TENM3: variants seen among roughly 807,000 people sequenced by gnomAD.
TENM3 encodes teneurin-3.
A neutral mutation model predicts 255.1 loss-of-function variants in TENM3; 63 were observed. That is an observed-to-expected ratio of 0.25 (90% confidence interval 0.20 to 0.30). The LOEUF (loss-of-function observed/expected upper bound fraction) is 0.30. Among genes scored for constraint, TENM3 ranks in the 10% least tolerant of loss-of-function variants. The pLI, the probability that TENM3 is intolerant of heterozygous loss-of-function variation, is 1.00. For synonymous variants in TENM3, 1,306 were observed against 1,322.3 expected, an observed-to-expected ratio of 0.99 and a Z score of 0.27; for missense variants, 2,929 against 3,461.1, an observed-to-expected ratio of 0.85 and a Z score of 3.86.
At chr4:182,548,439 C>A (rs1224474113) in intron 3 of TENM3, among the ~76,000 whole-genome samples, 1 of 152,092 alleles carries the variant, frequency 6.6e-6, no homozygotes, top group Non-Finnish European at 1.5e-5. Flanking sequence ...CAACACAGAT[C>A]ACTAAAGCTT....
At chr4:182,066,845 A>G in the TENM3 span, among the ~76,000 whole-genome samples, 1 of 152,068 alleles carries the variant, frequency 6.6e-6, no homozygotes, top group African/African-American at 2.4e-5. Flanking sequence ...CGGGAGGCGG[A>G]GCTTGCAGTG....
chr4:181,811,792 C>T, the TENM3 span, among the ~76,000 whole-genome samples: 2 of 152,192 alleles, frequency 1.3e-5, no homozygotes, highest in African/African-American at 4.8e-5. Flanking sequence ...TGGCCCTGTC[C>T]TTGACACTTG....
intron 1 of TENM3, among the ~76,000 whole-genome samples, chr4:182,292,317 C>G (rs936531887): frequency 9.2e-5 from 14 of 152,178 alleles, no homozygotes; most frequent in African/African-American, 3.4e-4. Context: ...CCCTTACACA[C>G]ATTTGGGAAT....
intron 3 of TENM3, among the ~76,000 whole-genome samples, chr4:182,374,187 C>G (rs899391950): frequency 6.6e-6 from 1 of 152,124 alleles, no homozygotes; most frequent in African/African-American, 2.4e-5. Context: ...ATATCCCTTT[C>G]TTCATCTAAA....
At chr4:182,785,680 C>T (rs1043699363) in intron 24 of TENM3, among the ~76,000 whole-genome samples, 5 of 141,992 alleles carry the variant, frequency 3.5e-5, no homozygotes, top group Admixed American at 2.9e-4. Flanking sequence ...TGCTCTCCAG[C>T]CTAGGTGTCC....
chr4:182,758,601 T>G (rs748844452), intron 22 of TENM3, among the ~76,000 whole-genome samples: 230 of 152,298 alleles, frequency 1.5e-3, no homozygotes, highest in Middle Eastern at 6.8e-3. Flanking sequence ...TAGTTATTGG[T>G]GAACTGGCCG....
At chr4:181,649,256 C>T in the TENM3 span, among the ~76,000 whole-genome samples, 2 of 152,158 alleles carry the variant, frequency 1.3e-5, no homozygotes, top group Non-Finnish European at 1.5e-5. Context: ...GCCTCTTTTC[C>T]GTCAGTGATT....
chr4:182,063,399 T>C, the TENM3 span, among the ~76,000 whole-genome samples: 19 of 152,222 alleles, frequency 1.2e-4, no homozygotes, highest in Non-Finnish European at 2.4e-4. Flanking sequence ...TTCTTTTCCC[T>C]TTAGTCTCAA....
At chr4:182,669,079 T>G (rs1754971584) in intron 6 of TENM3, among the ~76,000 whole-genome samples, 1 of 152,014 alleles carries the variant, frequency 6.6e-6, no homozygotes, top group Non-Finnish European at 1.5e-5. Context: ...GATGAATGAG[T>G]CTACATATAA....
chr4:182,721,539 T>C (rs1051947679), intron 13 of TENM3, among the ~76,000 whole-genome samples: 6 of 152,164 alleles, frequency 3.9e-5, no homozygotes, highest in African/African-American at 1.4e-4. Context: ...CGAATCTGTG[T>C]GTGTGTGTGT....
At chr4:182,355,770 C>A (rs1040227597) in intron 3 of TENM3, among the ~76,000 whole-genome samples, 1 of 152,016 alleles carries the variant, frequency 6.6e-6, no homozygotes, top group African/African-American at 2.4e-5. Context: ...ATGAGAGACT[C>A]AGTGAGTGAT....
At chr4:181,968,049 C>T in the TENM3 span, among the ~76,000 whole-genome samples, 1 of 152,162 alleles carries the variant, frequency 6.6e-6, no homozygotes, top group Non-Finnish European at 1.5e-5. Context: ...TTGAGTCTTG[C>T]TGAACGCTGA....
intron 3 of TENM3, among the ~76,000 whole-genome samples, chr4:182,388,939 AC>A (rs541822055): frequency 4.8e-4 from 73 of 152,258 alleles, no homozygotes; most frequent in African/African-American, 1.5e-3. Flanking sequence ...TGGCTTCTAG[AC>A]CTTCCTTTGC....
intron 6 of TENM3, among the ~76,000 whole-genome samples, chr4:182,668,914 T>A (rs2152544367): frequency 6.6e-6 from 1 of 152,314 alleles, no homozygotes; most frequent in East Asian, 1.9e-4. Flanking sequence ...GTTTACCAGT[T>A]CTCAAAGCAC....
At chr4:181,633,620 G>A in the TENM3 span, among the ~76,000 whole-genome samples, 14,583 of 152,120 alleles carry the variant, frequency 0.096, 747 homozygotes, top group East Asian at 0.14. Context: ...ATCTGATTTC[G>A]TCCAGAGCCT....
At chr4:181,871,540 C>A in the TENM3 span, among the ~76,000 whole-genome samples, 1 of 151,920 alleles carries the variant, frequency 6.6e-6, no homozygotes, top group Non-Finnish European at 1.5e-5. Flanking sequence ...AAACTTTATG[C>A]CTTTTATGTC....
At chr4:181,767,267 AAAAAG>A in the TENM3 span, among the ~76,000 whole-genome samples, 153 of 150,322 alleles carry the variant, frequency 1.0e-3, 1 homozygote, top group African/African-American at 3.6e-3. Context: ...AAAAAAAAAA[AAAAAG>A]AAAGAAAACA....
At chr4:181,888,591 CGTGTGT>C in the TENM3 span, among the ~76,000 whole-genome samples, 19 of 90,172 alleles carry the variant, frequency 2.1e-4, no homozygotes, top group East Asian at 1.7e-3. Flanking sequence ...TATATATATG[CGTGTGT>C]GTGTGTGTGT....
At chr4:181,810,252 C>T in the TENM3 span, among the ~76,000 whole-genome samples, 6 of 152,232 alleles carry the variant, frequency 3.9e-5, no homozygotes, top group South Asian at 1.2e-3. Context: ...TAGCAAGTTA[C>T]TTAACCTCTG....
Sources: gnomAD v4.1 joint callset for allele counts (sites outside exome capture counted in the v4.1 genomes callset) on GRCh38, gnomAD v4.1.1 for gene constraint, MANE v1.5 for transcripts, NCBI Gene and HGNC (gene_info 2026-07-23, HGNC 2026-07-21) for gene names.